The following DGKB variants were observed in gnomAD, a reference collection of about 807,000 sequenced individuals.
DGKB encodes 90 kDa diacylglycerol kinase.
A neutral mutation model predicts 114.3 loss-of-function variants in DGKB; 67 were observed. The observed-to-expected ratio is 0.59, with a 90% CI of 0.48 to 0.72. The LOEUF (loss-of-function observed/expected upper bound fraction) is 0.72. Among genes scored for constraint, DGKB ranks in the 30% least tolerant of loss-of-function variants. The pLI is 0.00. For synonymous variants in DGKB, 398 were observed against 323.1 expected (o/e 1.23, Z -2.49); for missense variants, 907 against 975.2 (o/e 0.93, Z 0.93).
At chr7:14,378,183 A>T (rs1245699518) in intron 21 of DGKB, among the ~76,000 whole-genome samples, 2 of 152,164 alleles carry the variant, frequency 1.3e-5, no homozygotes, top group Non-Finnish European at 2.9e-5. Context: ...AGACAAATGC[A>T]TTTGATTCTA....
intron 4 of DGKB, among the ~76,000 whole-genome samples, chr7:14,739,288 C>T (rs1832194925): frequency 6.6e-6 from 1 of 152,128 alleles, no homozygotes; most frequent in African/African-American, 2.4e-5. Context: ...AAATTCTGTC[C>T]CATAACACAT....
chr7:14,302,768 G>A (rs770017462), intron 23 of DGKB, among the ~76,000 whole-genome samples: 6 of 151,996 alleles, frequency 3.9e-5, no homozygotes, highest in Non-Finnish European at 7.4e-5. Context: ...ATATCGCCTT[G>A]TTTATTTCCT....
chr7:14,924,619 G>C (rs1214279398), intron 1 of DGKB, among the ~76,000 whole-genome samples: 2 of 151,922 alleles, frequency 1.3e-5, no homozygotes, highest in East Asian at 3.9e-4. Context: ...CTTCAGATAG[G>C]TTTAATCTAA....
chr7:14,574,109 TA>T, intron 20 of DGKB, 102 bp downstream of exon 20: 1 of 882,956 alleles, frequency 1.1e-6, no homozygotes, highest in Non-Finnish European at 1.7e-6. Context: ...GCACAAAAGG[TA>T]AAATAAGTTA....
At position 14,945,333 on chromosome 7, in the gene DGKB, G is replaced by A. The variant is rs938395232; in HGVS notation, c.-188+29363C>T. On this transcript the variant is annotated intron_variant, in intron 1 of 4. Transcript: ENST00000437998. The stretch of plus-strand genomic sequence containing the variant: ...GAGGTGTGCTTGTCTTTGGAGAGGC[G>A]GTAGTAACCAGAAGGAAGTAGGCAC... Among the ~76,000 whole-genome samples the A allele has an allele frequency of 1.2e-4, 18 of 151,854 alleles. No individual in the cohort carries two copies. In the East Asian group the frequency reaches 1.7e-3, roughly 15 times the overall value.
At chr7:14,671,482 T>A (rs1053133565) in intron 13 of DGKB, among the ~76,000 whole-genome samples, 2 of 152,130 alleles carry the variant, frequency 1.3e-5, no homozygotes, top group Non-Finnish European at 2.9e-5. Flanking sequence ...AAAACAGCAA[T>A]GAAAGATTTT....
At chr7:14,484,032 G>C (rs1334053642) in intron 20 of DGKB, among the ~76,000 whole-genome samples, 1 of 146,478 alleles carries the variant, frequency 6.8e-6, no homozygotes, top group Non-Finnish European at 1.5e-5. Flanking sequence ...GTTCATGTAG[G>C]GTTTTTTTTT....
At chr7:14,271,512 C>A (rs1798265588) in intron 23 of DGKB, among the ~76,000 whole-genome samples, 1 of 152,204 alleles carries the variant, frequency 6.6e-6, no homozygotes, top group South Asian at 2.1e-4. Flanking sequence ...ACAGAGGCCG[C>A]AAAGCCTCCT....
chr7:14,332,049 T>G (rs530179536), intron 23 of DGKB, among the ~76,000 whole-genome samples: 51 of 152,328 alleles, frequency 3.3e-4, no homozygotes, highest in African/African-American at 1.2e-3. Context: ...AAACAATGTT[T>G]ACAGTAAAGT....
At chr7:14,339,533 C>A (rs1057312237) in intron 22 of DGKB, among the ~76,000 whole-genome samples, 12 of 151,944 alleles carry the variant, frequency 7.9e-5, no homozygotes, top group African/African-American at 2.4e-5. Flanking sequence ...CACTAACAAA[C>A]AATGTTTTGT....
chr7:14,434,581 C>T (rs995690283), intron 21 of DGKB, among the ~76,000 whole-genome samples: 1 of 152,156 alleles, frequency 6.6e-6, no homozygotes, highest in Non-Finnish European at 1.5e-5. Flanking sequence ...GAAAGGAAAG[C>T]AGCTCATTGG....
At position 14,493,925 on chromosome 7, in the gene DGKB, T is replaced by TACAAACAC. The variant is rs201167494; in HGVS notation, c.1771-15701_1771-15700insGTGTTTGT. Among the ~76,000 whole-genome samples the TACAAACAC allele has an allele frequency of 5.2e-3, 713 of 137,714 alleles. 5 individuals carry two copies. Among genetic ancestry groups the TACAAACAC allele is most frequent in the East Asian group, 0.027 (131 of 4,854 alleles). The allele number at this position is 137,714 out of a possible 152,430, so 90.3% of individuals were successfully genotyped here. On this transcript the variant is annotated intron_variant, in intron 20 of 25. Coordinates refer to ENST00000402815, the MANE Select transcript of DGKB (RefSeq NM_001350709.2). ...AAATACCATGGCTATCATGGTATCA[T>TACAAACAC]ACACACACACACACACACACACACA...
At chr7:14,343,714 G>C (rs1165772243) in intron 22 of DGKB, among the ~76,000 whole-genome samples, 1 of 150,800 alleles carries the variant, frequency 6.6e-6, no homozygotes, top group African/African-American at 2.4e-5. Flanking sequence ...AATTGTATTT[G>C]AGCATAATTT....
intron 23 of DGKB, among the ~76,000 whole-genome samples, chr7:14,217,252 T>G (rs17167981): frequency 0.037 from 5,579 of 152,234 alleles, 242 homozygotes; most frequent in African/African-American, 0.1. Context: ...TAAGTAATAT[T>G]TTTTCAGTAA....
At chr7:14,793,236 T>C (rs1439978172) in intron 2 of DGKB, among the ~76,000 whole-genome samples, 1 of 152,102 alleles carries the variant, frequency 6.6e-6, no homozygotes, top group African/African-American at 2.4e-5. Context: ...CTATTAGAAA[T>C]GCATTCTGTA....
At chr7:14,347,194 T>G (rs768199353) in intron 21 of DGKB, among the ~76,000 whole-genome samples, 3 of 151,764 alleles carry the variant, frequency 2.0e-5, no homozygotes, top group African/African-American at 7.3e-5. Flanking sequence ...GGCCCTTATC[T>G]GCCAGGACTG....
intron 2 of DGKB, among the ~76,000 whole-genome samples, chr7:14,765,804 A>C (rs1409073730): frequency 6.6e-6 from 1 of 151,994 alleles, no homozygotes; most frequent in East Asian, 1.9e-4. Flanking sequence ...ATAATTGCTA[A>C]TTAAGAGATA....
chr7:14,849,837 G>C (rs1849112814), intron 1 of DGKB, among the ~76,000 whole-genome samples: 1 of 152,056 alleles, frequency 6.6e-6, no homozygotes, highest in Non-Finnish European at 1.5e-5. Flanking sequence ...GAGGCACAGA[G>C]CCTCAAGACA....
intron 23 of DGKB, among the ~76,000 whole-genome samples, chr7:14,289,563 A>G (rs1801408661): frequency 6.6e-6 from 1 of 152,130 alleles, no homozygotes; most frequent in Non-Finnish European, 1.5e-5. Flanking sequence ...TATTTTTGTC[A>G]TCAGTGATTT....
Sources: allele counts gnomAD v4.1 joint callset (sites outside exome capture counted in the v4.1 genomes callset), GRCh38; gene constraint gnomAD v4.1.1; transcripts MANE v1.5; gene names NCBI Gene and HGNC (gene_info 2026-07-23, HGNC 2026-07-21).